The following C8orf34 variants were observed in gnomAD, a reference collection of about 807,000 sequenced individuals.
C8orf34 encodes uncharacterized protein C8orf34.
Under a neutral mutation model 68.3 loss-of-function variants are expected in C8orf34, and 65 were observed. The observed-to-expected ratio is 0.95, with a 90% confidence interval of 0.78 to 1.17. The LOEUF (loss-of-function observed/expected upper bound fraction) is 1.17, where lower values mean the gene tolerates loss of function less well. C8orf34 is among the 50% of genes most tolerant of loss of function. The pLI is 0.00. For synonymous variants in C8orf34, 244 were observed against 241.2 expected, an observed-to-expected ratio of 1.01 and a Z score of -0.11; for missense variants, 664 against 655.4, an observed-to-expected ratio of 1.01 and a Z score of -0.14.
At chr8:68,652,284 T>C (rs2130781960) in intron 8 of C8orf34, among the ~76,000 whole-genome samples, 1 of 152,348 alleles carries the variant, frequency 6.6e-6, no homozygotes, top group East Asian at 1.9e-4. Flanking sequence ...AATGGTTGAG[T>C]TGTAAGAATT....
intron 8 of C8orf34, among the ~76,000 whole-genome samples, chr8:68,679,604 A>T (rs1260223481): frequency 9.2e-5 from 14 of 152,204 alleles, no homozygotes; most frequent in Non-Finnish European, 1.8e-4. Context: ...CAAAAGACCC[A>T]GAATAGCCAA....
chr8:68,573,953 T>C (rs918718547), intron 7 of C8orf34, among the ~76,000 whole-genome samples: 1 of 152,180 alleles, frequency 6.6e-6, no homozygotes, highest in Non-Finnish European at 1.5e-5. Context: ...CATATTCTTA[T>C]CTTGCACATT....
intron 8 of C8orf34, among the ~76,000 whole-genome samples, chr8:68,698,498 A>G (rs1267495810): frequency 1.3e-5 from 2 of 152,104 alleles, no homozygotes; most frequent in Non-Finnish European, 2.9e-5. Context: ...GAAGTCAGCT[A>G]TCTAACAGAT....
chr8:68,703,211 G>A (rs967581801), intron 8 of C8orf34, among the ~76,000 whole-genome samples: 2 of 152,108 alleles, frequency 1.3e-5, no homozygotes, highest in Non-Finnish European at 2.9e-5. Flanking sequence ...AATAATCTCT[G>A]TGGATACAAA....
At chr8:68,499,928 C>T (rs533393647) in intron 5 of C8orf34, among the ~76,000 whole-genome samples, 3 of 152,254 alleles carry the variant, frequency 2.0e-5, no homozygotes, top group East Asian at 1.9e-4. Context: ...GGTTTAGCAC[C>T]GTTCCCTTGA....
chr8:68,682,398 A>G (rs1290393832), intron 8 of C8orf34, among the ~76,000 whole-genome samples: 6 of 152,130 alleles, frequency 3.9e-5, no homozygotes. Context: ...TTTGTTATGC[A>G]GATTTAGATT....
chr8:68,490,159 C>T (rs1301516127), intron 5 of C8orf34, among the ~76,000 whole-genome samples: 1 of 152,126 alleles, frequency 6.6e-6, no homozygotes, highest in Non-Finnish European at 1.5e-5. Flanking sequence ...GTAATAATTC[C>T]TCCTCTTGCA....
chr8:68,482,678 T>C (rs1812912124), intron 4 of C8orf34, among the ~76,000 whole-genome samples: 1 of 152,168 alleles, frequency 6.6e-6, no homozygotes, highest in Admixed American at 6.5e-5. Context: ...CTCTTTATAC[T>C]CAGTGGCATG....
At chr8:68,477,142 A>G (rs544193053) in intron 4 of C8orf34, among the ~76,000 whole-genome samples, 57 of 152,230 alleles carry the variant, frequency 3.7e-4, no homozygotes, top group African/African-American at 1.1e-3. Context: ...GTCTATTTTG[A>G]TCTCTCAGAT....
chr8:68,331,562 G>A (rs932149721), intron 1 of C8orf34: 15 of 584,236 alleles, frequency 2.6e-5, no homozygotes, highest in Non-Finnish European at 4.4e-5. Flanking sequence ...GCGGACAGGT[G>A]AGCTCGGGAG....
chr8:68,668,057 T>C (rs1474396515), intron 8 of C8orf34, among the ~76,000 whole-genome samples: 2 of 152,110 alleles, frequency 1.3e-5, no homozygotes, highest in African/African-American at 4.8e-5. Flanking sequence ...AGCTCAGAAA[T>C]TCTAGAAAAT....
chr8:68,430,457 T>C (rs1228056032), intron 1 of C8orf34, among the ~76,000 whole-genome samples: 1 of 152,204 alleles, frequency 6.6e-6, no homozygotes, highest in African/African-American at 2.4e-5. Context: ...TGCTTACTTA[T>C]AGCCAATTGG....
chr8:68,744,897 C>T (rs1228453693), intron 10 of C8orf34, among the ~76,000 whole-genome samples: 4 of 152,150 alleles, frequency 2.6e-5, no homozygotes, highest in African/African-American at 4.8e-5. Flanking sequence ...CACAAAGATA[C>T]TCCTCGAGAA....
chr8:68,745,334 C>G (rs1003169155), intron 10 of C8orf34, among the ~76,000 whole-genome samples: 1 of 151,606 alleles, frequency 6.6e-6, no homozygotes, highest in Non-Finnish European at 1.5e-5. Context: ...AACTAATGAG[C>G]AAAATAACCA....
At chr8:68,600,592 G>A (rs1817670858) in intron 7 of C8orf34, among the ~76,000 whole-genome samples, 1 of 152,056 alleles carries the variant, frequency 6.6e-6, no homozygotes, top group Non-Finnish European at 1.5e-5. Flanking sequence ...ATTTTTGATA[G>A]ATATAGCTTT....
intron 12 of C8orf34, among the ~76,000 whole-genome samples, chr8:68,794,178 C>A (rs1027502990): frequency 4.0e-5 from 6 of 151,472 alleles, no homozygotes; most frequent in African/African-American, 1.2e-4. Flanking sequence ...TTAAAAATTT[C>A]TTTGAGACAA....
intron 9 of C8orf34, among the ~76,000 whole-genome samples, chr8:68,719,140 A>T (rs1326031369): frequency 6.6e-6 from 1 of 152,174 alleles, no homozygotes; most frequent in Non-Finnish European, 1.5e-5. Context: ...CTAAGCATTA[A>T]ACACTAAGGT....
intron 7 of C8orf34, among the ~76,000 whole-genome samples, chr8:68,591,460 C>T (rs574842521): frequency 1.2e-4 from 18 of 152,112 alleles, no homozygotes; most frequent in African/African-American, 4.3e-4. Context: ...CGTAGTGAGA[C>T]AAAGAAGACA....
rs191462592 is a variant in C8orf34 at position 68,333,828 on chromosome 8, T to C, written c.327+2489T>C. Among the ~76,000 whole-genome samples, 20 of 152,360 alleles carry C rather than the reference T, an allele frequency of 1.3e-4. No individual in the cohort carries two copies. In the East Asian group the frequency reaches 3.3e-3, roughly 25 times the overall value. On this transcript the variant is annotated intron_variant, in intron 1 of 13. Coordinates refer to ENST00000518698, the MANE Select transcript of C8orf34 (RefSeq NM_052958.4). ...TCACAAATTGAAATTGGCCGCTTCA[T>C]GTCTTGTCATCTATGCTTTGTTGTG...
Sources: allele counts gnomAD v4.1 joint callset (sites outside exome capture counted in the v4.1 genomes callset), GRCh38; gene constraint gnomAD v4.1.1; transcripts MANE v1.5; gene names NCBI Gene and HGNC (gene_info 2026-07-23, HGNC 2026-07-21).